Variants in KCTD19 observed in about 807,000 individuals in gnomAD.
KCTD19 encodes BTB/POZ domain-containing protein KCTD19.
Under a neutral mutation model 103.5 loss-of-function variants are expected in KCTD19, and 67 were observed. That is an observed-to-expected ratio of 0.65 (90% CI 0.53 to 0.79). KCTD19 has a LOEUF of 0.79. KCTD19 is among the 30% of genes least tolerant of loss of function. KCTD19 has a pLI of 0.00. For missense variants in KCTD19, 980 were observed against 1,136.1 expected (o/e 0.86, Z 1.98); for synonymous variants, 439 against 452.2 (o/e 0.97, Z 0.37).
intron 2 of KCTD19, among the ~76,000 whole-genome samples, chr16:67,306,087 CATTT>C (rs928009609): frequency 2.0e-5 from 3 of 152,328 alleles, no homozygotes; most frequent in Non-Finnish European, 4.4e-5. Context: ...GTCTGTCATT[CATTT>C]GAGAAATACT....
intron 6 of KCTD19, among the ~76,000 whole-genome samples, chr16:67,298,256 G>A (rs1307875459): frequency 6.6e-6 from 1 of 152,092 alleles, no homozygotes; most frequent in African/African-American, 2.4e-5. Context: ...GCCTCCCAAA[G>A]TGCTGGGATT....
chr16:67,291,613 G>T, intron 13 of KCTD19, 33 bp downstream of exon 13: 1 of 1,598,886 alleles, frequency 6.3e-7, no homozygotes, highest in Non-Finnish European at 8.6e-7. Flanking sequence ...CTCACGAGGA[G>T]GCGCAGGGCT....
Position 67,293,470 on chromosome 16 carries a change from C to T in KCTD19, c.2218+74G>A. 1 of 1,521,166 alleles carries T rather than the reference C, an allele frequency of 6.6e-7. No individual in the cohort carries two copies. The highest frequency in any genetic ancestry group is 2.3e-5 in the East Asian group (1 of 44,144). The allele number at this position is 1,521,166 out of a possible 1,614,324, so 94.2% of individuals were successfully genotyped here. On this transcript the variant is annotated intron_variant, in intron 12 of 15. Coordinates refer to ENST00000304372, the MANE Select transcript of KCTD19 (RefSeq NM_001100915.3). This position sits in a 1 kb window ranked among gnomAD's most constrained non-coding sequence, Gnocchi z 4.0. Reference sequence around the variant, plus strand: ...CTAGTCCTCCTTTGTCACTAACTTGCTCTGCCATCTTGGCCAAAGAGTTTG... The same window carrying T: ...CTAGTCCTCCTTTGTCACTAACTTGTTCTGCCATCTTGGCCAAAGAGTTTG...
chr16:67,301,612 G>T (rs2036834852), intron 5 of KCTD19, among the ~76,000 whole-genome samples, 179 bp downstream of exon 5: 2 of 152,136 alleles, frequency 1.3e-5, no homozygotes, highest in South Asian at 4.1e-4. Context: ...TGAGCCGGCA[G>T]GGCAGCACAC....
chr16:67,314,499 C>T (rs2036981832), intron 2 of KCTD19, among the ~76,000 whole-genome samples: 2 of 152,130 alleles, frequency 1.3e-5, no homozygotes, highest in East Asian at 1.9e-4. Flanking sequence ...ACTTATCTAT[C>T]TTCTGTCTCT....
chr16:67,312,174 C>T (rs988701061), intron 2 of KCTD19, among the ~76,000 whole-genome samples: 1 of 152,140 alleles, frequency 6.6e-6, no homozygotes, highest in Non-Finnish European at 1.5e-5. Flanking sequence ...AGTAGCATGT[C>T]CTGTCAACAC....
intron 6 of KCTD19, 22 bp from the exon 7 acceptor site, chr16:67,297,685 C>T (rs771350027): frequency 1.2e-6 from 2 of 1,610,942 alleles, no homozygotes; most frequent in Non-Finnish European, 1.7e-6. Context: ...AAAGGTCTGT[C>T]ATGAAGAACA....
At chr16:67,311,034 G>C (rs1165752060) in intron 2 of KCTD19, among the ~76,000 whole-genome samples, 2 of 152,196 alleles carry the variant, frequency 1.3e-5, no homozygotes, top group African/African-American at 4.8e-5. Context: ...AAGTCATCTT[G>C]AGCATAACAC....
chr16:67,290,823 A>T (rs887749188), intron 15 of KCTD19, 62 bp downstream of exon 15: 7 of 1,430,618 alleles, frequency 4.9e-6, no homozygotes, highest in Non-Finnish European at 6.7e-6. Flanking sequence ...GCAGCAAGAC[A>T]CACGTCCATC....
At chr16:67,322,391 C>T (rs1164966839) in intron 1 of KCTD19, among the ~76,000 whole-genome samples, 1 of 151,936 alleles carries the variant, frequency 6.6e-6, no homozygotes, top group Non-Finnish European at 1.5e-5. Context: ...CTCCACCTCC[C>T]GGGTTCACTC....
chr16:67,312,038 T>G (rs898175005), intron 2 of KCTD19, among the ~76,000 whole-genome samples: 4 of 152,214 alleles, frequency 2.6e-5, no homozygotes, highest in African/African-American at 9.6e-5. Context: ...AAAAACTCCC[T>G]GGCTCCCTTG....
At position 67,300,887 on chromosome 16, in the gene KCTD19, A is replaced by C. The variant is rs2036825921; in HGVS notation, c.775+904T>G. 6.6e-6 allele frequency: 1 copy of C among 152,244 alleles called. No individual in the cohort carries two copies. Among genetic ancestry groups the C allele is most frequent in the Admixed American group, 6.5e-5 (1 of 15,280 alleles). The allele number at this position is 152,244 out of a possible 1,614,324, so 9.4% of individuals were successfully genotyped here. On this transcript the variant is annotated intron_variant, in intron 5 of 15. Transcript: ENST00000304372. This position sits in a 1 kb window ranked among gnomAD's most constrained non-coding sequence, Gnocchi z 4.5. ...TCGAACTCCTGACCTCAAGTGAGCC[A>C]CTTGCGTTGGCCTCTCAAAATGCTG...
chr16:67,321,642 A>T (rs1390052809), intron 1 of KCTD19: 1 of 152,104 alleles, frequency 6.6e-6, no homozygotes, highest in Non-Finnish European at 1.5e-5. Context: ...AAGAAGTCAC[A>T]TTTCCCACTT....
chr16:67,314,218 TTCTC>T (rs897713834), intron 2 of KCTD19, among the ~76,000 whole-genome samples: 1 of 143,084 alleles, frequency 7.0e-6, no homozygotes, highest in Non-Finnish European at 1.5e-5. Context: ...CCTTCCTTTC[TTCTC>T]TCTCTCCCTC....
At position 67,303,158 on chromosome 16, in the gene KCTD19, A is replaced by G; in HGVS notation, c.631T>C (p.Phe211Leu). Residue 211 changes from phenylalanine (F) to leucine (L), a missense_variant, in exon 4 of 16, where the codon TTC becomes CTC. Phe to Leu is a conservative substitution (Grantham distance 22, BLOSUM62 0). Coordinates refer to ENST00000304372, the MANE Select transcript of KCTD19 (RefSeq NM_001100915.3). The surrounding 1 kb of genome is among the most constrained non-coding windows in gnomAD (Gnocchi z 4.3). ...ACAGAGCAATCACCAATGAAGCGGA[A>G]CTCGCTGCACTCGCACTCGATGAGG... Reference protein sequence around the residue: ...VALIECECSEFRFIVNFLRSQ... With the variant: ...VALIECECSELRFIVNFLRSQ... 7.2e-7 allele frequency: 1 copy of G among 1,385,598 alleles called. No homozygotes were observed. Among genetic ancestry groups the G allele is most frequent in the Non-Finnish European group, 9.7e-7 (1 of 1,035,628 alleles). The allele number at this position is 1,385,598 out of a possible 1,614,324, so 85.8% of individuals were successfully genotyped here.
chr16:67,302,059 T>G, intron 4 of KCTD19, 137 bp from the exon 5 acceptor site: 2 of 736,910 alleles, frequency 2.7e-6, no homozygotes, highest in Non-Finnish European at 4.6e-6. Flanking sequence ...CAACATACCT[T>G]ATTAGATTAG....
chr16:67,304,277 G>A, intron 3 of KCTD19, 144 bp downstream of exon 3: 1 of 784,968 alleles, frequency 1.3e-6, no homozygotes, highest in Non-Finnish European at 2.1e-6. Flanking sequence ...AGGGCCTGTG[G>A]CAGGGCAGAA....
At position 67,320,892 on chromosome 16, in the gene KCTD19, G is replaced by T; in HGVS notation, c.4-7C>A. 6.3e-7 allele frequency: 1 copy of T among 1,590,682 alleles called. No homozygotes were observed. Among genetic ancestry groups the T allele is most frequent in the South Asian group, 1.1e-5 (1 of 87,610 alleles). On this transcript the variant is annotated splice_polypyrimidine_tract_variant and splice_region_variant and intron_variant, in intron 1 of 15. Coordinates refer to ENST00000304372, the MANE Select transcript of KCTD19 (RefSeq NM_001100915.3). The surrounding 1 kb of genome is among the most constrained non-coding windows in gnomAD (Gnocchi z 4.0). ...GAGCCATGCCAGACTCCTCCTAAAG[G>T]GGGAATGAAAAAGAGATCTACGCAA...
intron 9 of KCTD19, 43 bp downstream of exon 9, chr16:67,295,220 C>G: frequency 6.2e-7 from 1 of 1,606,914 alleles, no homozygotes. Context: ...AGGGAGGGGT[C>G]AGCCTTCGTG....
Sources: gnomAD v4.1 joint callset for allele counts (sites outside exome capture counted in the v4.1 genomes callset) on GRCh38, gnomAD v4.1.1 for gene constraint, Gnocchi (gnomAD v3.1) non-coding constraint, MANE v1.5 for transcripts, NCBI Gene and HGNC (gene_info 2026-07-23, HGNC 2026-07-21) for gene names.